Variants in SEPTIN14 observed in about 807,000 individuals in gnomAD.
SEPTIN14 encodes septin-14.
SEPTIN14 carries 40 observed loss-of-function variants against 53.6 expected under a neutral mutation model. That is an observed-to-expected ratio of 0.75 (90% CI 0.58 to 0.97). The LOEUF (loss-of-function observed/expected upper bound fraction) is 0.97. Ranked by LOEUF, SEPTIN14 falls within the 50% of genes least tolerant of loss-of-function variation. The probability of loss-of-function intolerance (pLI) is 0.00; values close to 1 mark genes in which losing one functional copy is unlikely to be tolerated. For synonymous variants in SEPTIN14, 138 were observed against 166.8 expected, an observed-to-expected ratio of 0.83 and a Z score of 1.33; for missense variants, 471 against 508.2, an observed-to-expected ratio of 0.93 and a Z score of 0.70.
chr7:55,824,854 C>G (rs1225081539), intron 6 of SEPTIN14, among the ~76,000 whole-genome samples: 1 of 151,874 alleles, frequency 6.6e-6, no homozygotes, highest in East Asian at 1.9e-4. Context: ...AACACCAAAT[C>G]CTGGCAAAGA....
chr7:55,824,365 C>T (rs1165156684), intron 6 of SEPTIN14, among the ~76,000 whole-genome samples: 1 of 152,118 alleles, frequency 6.6e-6, no homozygotes, highest in African/African-American at 2.4e-5. Context: ...ATTCAGATAA[C>T]AAATTAGCAT....
intron 2 of SEPTIN14, among the ~76,000 whole-genome samples, chr7:55,859,628 C>G (rs28852136): frequency 0.24 from 35,830 of 151,860 alleles, 5,155 homozygotes; most frequent in East Asian, 0.42. Context: ...TTCAATCCCT[C>G]CCTTCACTTC....
At position 55,806,493 on chromosome 7, in the gene SEPTIN14, T is replaced by C. The variant is rs559231825; in HGVS notation, c.986+597A>G. ...TCTTTTTTTTTTTAAGATGGAGTCT[T>C]GCTCAGTCCGCCACGCTGGAAGTGC... On this transcript the variant is annotated intron_variant, in intron 8 of 9. Coordinates refer to ENST00000388975, the MANE Select transcript of SEPTIN14 (RefSeq NM_207366.3). Among the ~76,000 whole-genome samples, 121 of 151,686 alleles carry C rather than the reference T, an allele frequency of 8.0e-4. 1 individual carries two copies. Among genetic ancestry groups the C allele is most frequent in the Middle Eastern group, 3.4e-3 (1 of 294 alleles).
rs1278382227 is a variant in SEPTIN14 at position 55,806,812 on chromosome 7, T to G, written c.986+278A>C. 2.0e-5 allele frequency among the ~76,000 whole-genome samples: 3 copies of G among 152,180 alleles called. No homozygotes were observed. In the South Asian group the frequency reaches 6.2e-4, roughly 31 times the overall value. The stretch of plus-strand genomic sequence containing the variant: ...ATACATTTCATATAAATACAAAAAA[T>G]GGAACAAAATACTGGGTTTTTTCAT... On this transcript the variant is annotated intron_variant, in intron 8 of 9. Coordinates refer to ENST00000388975, the MANE Select transcript of SEPTIN14 (RefSeq NM_207366.3).
At position 55,844,727 on chromosome 7, in the gene SEPTIN14, G is replaced by A. The variant is rs958894082; in HGVS notation, c.176-9C>T. 1.3e-6 allele frequency: 2 copies of A among 1,495,260 alleles called. No individual in the cohort carries two copies. Among genetic ancestry groups the A allele is most frequent in the African/African-American group, 2.8e-5 (2 of 72,592 alleles). 92.6% of individuals were successfully genotyped at this position (1,495,260 alleles called of 1,614,324 possible). A position where few individuals can be genotyped will look rare whatever the true frequency, so the allele number is the denominator to read the frequency against. Reference sequence around the variant, plus strand: ...TCCAATTCCAGTCTCCCCTGTAATAGACATAGAGTCATTGTCATAGGGACA... The same window carrying A: ...TCCAATTCCAGTCTCCCCTGTAATAAACATAGAGTCATTGTCATAGGGACA... On this transcript the variant is annotated splice_polypyrimidine_tract_variant and intron_variant, in intron 3 of 9. Coordinates refer to ENST00000388975, the MANE Select transcript of SEPTIN14 (RefSeq NM_207366.3).
intron 5 of SEPTIN14, among the ~76,000 whole-genome samples, chr7:55,842,559 C>T (rs943293209): frequency 1.3e-5 from 2 of 150,596 alleles, no homozygotes; most frequent in Non-Finnish European, 3.0e-5. Context: ...GCTATGATGA[C>T]GCCACTGCAC....
intron 9 of SEPTIN14, among the ~76,000 whole-genome samples, chr7:55,801,221 G>T (rs899448869): frequency 1.1e-4 from 17 of 151,820 alleles, no homozygotes; most frequent in African/African-American, 4.1e-4. Flanking sequence ...ATAAGATATA[G>T]ACTAGAGAAA....
chr7:55,805,174 C>CAAG, intron 9 of SEPTIN14, 84 bp downstream of exon 9: 1 of 1,271,024 alleles, frequency 7.9e-7, no homozygotes, highest in Admixed American at 2.2e-5. Context: ...CCAAAAACAT[C>CAAG]AAGTAAACTC....
intron 5 of SEPTIN14, among the ~76,000 whole-genome samples, chr7:55,840,539 C>T (rs1471857905): frequency 1.3e-5 from 2 of 151,958 alleles, no homozygotes; most frequent in African/African-American, 4.8e-5. Flanking sequence ...GGAAAAACAC[C>T]ATGTGAGAAC....
intron 3 of SEPTIN14, 103 bp from the exon 4 acceptor site, chr7:55,844,821 T>A (rs925950391): frequency 2.3e-5 from 12 of 523,646 alleles, no homozygotes; most frequent in Non-Finnish European, 3.8e-5. Context: ...AAAGTTGAAC[T>A]CATAGAAGTA....
intron 6 of SEPTIN14, among the ~76,000 whole-genome samples, chr7:55,827,860 G>A (rs559889518): frequency 2.0e-5 from 3 of 152,236 alleles, no homozygotes; most frequent in Non-Finnish European, 4.4e-5. Context: ...ACTGACAGAA[G>A]GGCACAGGGC....
In SEPTIN14 at chr7:55,829,334, G is replaced by A. The variant is rs111455343; in HGVS notation, c.720+5091C>T. Among the ~76,000 whole-genome samples, 1,022 of 150,066 alleles carry A rather than the reference G, an allele frequency of 6.8e-3. 21 individuals are homozygous for A. The highest frequency in any genetic ancestry group is 0.024 in the African/African-American group (985 of 40,958). On this transcript the variant is annotated intron_variant, in intron 6 of 9. Transcript: ENST00000388975. ...GCAGAGGTTGCAGTGAGCCAAGATC[G>A]TGCCACTGAACCCCAGCCTGGACAA...
At chr7:55,808,539 T>C (rs1788644781) in intron 7 of SEPTIN14, among the ~76,000 whole-genome samples, 1 of 152,112 alleles carries the variant, frequency 6.6e-6, no homozygotes, top group African/African-American at 2.4e-5. Flanking sequence ...TTGTGAAAAG[T>C]AGTTTGATAA....
intron 5 of SEPTIN14, among the ~76,000 whole-genome samples, chr7:55,840,106 C>T (rs1353234234): frequency 2.7e-5 from 4 of 149,478 alleles, no homozygotes; most frequent in South Asian, 2.1e-4. Flanking sequence ...GATCACACCA[C>T]GGCACTCCAG....
At chr7:55,844,478 T>C (rs774877711) in intron 4 of SEPTIN14, 45 bp downstream of exon 4, 1 of 1,170,252 alleles carries the variant, frequency 8.5e-7, no homozygotes. Flanking sequence ...GTCAAATTCC[T>C]TGAAATAAGA....
intron 6 of SEPTIN14, among the ~76,000 whole-genome samples, chr7:55,829,436 A>G (rs1338248929): frequency 2.0e-5 from 3 of 152,014 alleles, no homozygotes; most frequent in Non-Finnish European, 4.4e-5. Flanking sequence ...AGCTAGATTA[A>G]CCAAGAAAAA....
intron 7 of SEPTIN14, among the ~76,000 whole-genome samples, chr7:55,809,309 C>CTTTTT (rs780613537): frequency 1.1e-5 from 1 of 88,640 alleles, no homozygotes. Flanking sequence ...ACTATGCTTA[C>CTTTTT]TTTTTTTTTT....
intron 6 of SEPTIN14, among the ~76,000 whole-genome samples, chr7:55,820,794 G>A (rs1788879984): frequency 6.6e-6 from 1 of 152,084 alleles, no homozygotes; most frequent in Admixed American, 6.6e-5. Context: ...ACAGAAATTA[G>A]CGGGGCATGG....
intron 7 of SEPTIN14, among the ~76,000 whole-genome samples, chr7:55,818,223 G>A (rs1186637934): frequency 2.0e-5 from 3 of 151,982 alleles, no homozygotes; most frequent in African/African-American, 7.2e-5. Context: ...TGTAATCCCA[G>A]CACTTTGGGA....
Sources: gnomAD v4.1 joint callset for allele counts (sites outside exome capture counted in the v4.1 genomes callset) on GRCh38, gnomAD v4.1.1 for gene constraint, MANE v1.5 for transcripts, NCBI Gene and HGNC (gene_info 2026-07-23, HGNC 2026-07-21) for gene names.